The following ANKRD24 variants were observed in gnomAD, a reference collection of about 807,000 sequenced individuals.
The protein encoded by ANKRD24 is ankyrin repeat domain-containing protein 24.
ANKRD24 carries 109 observed loss-of-function variants against 127.8 expected under a neutral mutation model. That is an observed-to-expected ratio of 0.85 (90% confidence interval 0.73 to 1.00). The LOEUF (loss-of-function observed/expected upper bound fraction) is 1.00. Ranked by LOEUF, ANKRD24 falls within the 50% of genes least tolerant of loss-of-function variation. The pLI is 0.00. For missense variants in ANKRD24, 1,648 were observed against 1,570.2 expected, an observed-to-expected ratio of 1.05 and a Z score of -0.84; for synonymous variants, 743 against 671.1, an observed-to-expected ratio of 1.11 and a Z score of -1.66.
intron 12 of ANKRD24, 22 bp from the exon 13 acceptor site, chr19:4,210,243 G>T: frequency 6.4e-7 from 1 of 1,567,340 alleles, no homozygotes; most frequent in Non-Finnish European, 8.7e-7. Context: ...CCATCTAAAG[G>T]CCGTGGTGGG....
intron 2 of ANKRD24, among the ~76,000 whole-genome samples, chr19:4,197,523 G>C (rs940460581): frequency 1.3e-5 from 2 of 152,064 alleles, no homozygotes; most frequent in Admixed American, 6.6e-5. Flanking sequence ...AGTGAATGCA[G>C]GAAGGAATGG....
rs1555712614 is a variant in ANKRD24 at position 4,195,219 on chromosome 19, C to CCTG, written c.37-4463_37-4462insTGC. Among the ~76,000 whole-genome samples, 137 of 151,862 alleles carry CCTG rather than the reference C, an allele frequency of 9.0e-4. No homozygotes were observed. Among genetic ancestry groups the CCTG allele is most frequent in the Non-Finnish European group, 8.7e-4 (59 of 67,986 alleles). ...TCCCGAGTAGCTGGGACTACAGGCG[C>CCTG]CCACCACCACGCCCGGCTAATTTTT... On this transcript the variant is annotated intron_variant, in intron 2 of 21. Transcript: ENST00000318934. This position sits in a 1 kb window ranked among gnomAD's most constrained non-coding sequence, Gnocchi z 4.2.
chr19:4,183,194 G>C (rs993786832), intron 1 of ANKRD24, among the ~76,000 whole-genome samples: 9 of 152,056 alleles, frequency 5.9e-5, no homozygotes, highest in African/African-American at 1.7e-4. Context: ...TGGTCAGGCT[G>C]GTCCCGAACT....
chr19:4,215,609 A>AAG (rs1970014743), intron 15 of ANKRD24, among the ~76,000 whole-genome samples: 1 of 151,144 alleles, frequency 6.6e-6, no homozygotes, highest in Admixed American at 6.6e-5. Flanking sequence ...TCTGAAAAAA[A>AAG]AAAAAAAAAT....
chr19:4,207,775 T>C lies in ANKRD24; in HGVS notation c.645-6T>C. On this transcript the variant is annotated splice_region_variant and splice_polypyrimidine_tract_variant and intron_variant, in intron 9 of 21. Coordinates refer to ENST00000318934, the MANE Select transcript of ANKRD24 (RefSeq NM_001393985.1). ...TCATCTCCTCAGTAGCCCCCTCCCC[T>C]GGTAGGACGGCCCTGATGCTGGCCT... 6.4e-7 allele frequency: 1 copy of C among 1,569,596 alleles called. No individual in the cohort carries two copies.
chr19:4,206,148 T>C (rs1568327775), intron 7 of ANKRD24, among the ~76,000 whole-genome samples: 1 of 12,862 alleles, frequency 7.8e-5, no homozygotes, highest in Non-Finnish European at 2.2e-4. Context: ...GTCTCAAAAA[T>C]AAATAAATAA....
rs368093158 is a variant in ANKRD24, at chr19:4,216,831, C to G, written c.1671C>G (p.Asn557Lys). ...NGSVAPETKVNGAETIDEEAA... is the reference protein window; with the variant it reads ...NGSVAPETKVKGAETIDEEAA... ...CAGTGGCTCCAGAAACCAAAGTTAA[C>G]GGAGCCGAGACCATAGATGAGGAGG... Residue 557 changes from asparagine to lysine, a missense_variant, in exon 18 of 22, where the codon AAC becomes AAG. Asn to Lys is a moderately conservative substitution (Grantham distance 94). Transcript: ENST00000318934. The G allele has an allele frequency of 6.8e-6, 11 of 1,609,254 alleles. No individual in the cohort carries two copies. The highest frequency in any genetic ancestry group is 1.7e-5 in the Admixed American group (1 of 59,204).
At position 4,217,062 on chromosome 19, in the gene ANKRD24, A is replaced by C; in HGVS notation, c.1902A>C (p.Gly634=). 1 of 1,613,872 alleles carries C rather than the reference A, an allele frequency of 6.2e-7. No homozygotes were observed. Among genetic ancestry groups the C allele is most frequent in the South Asian group, 1.1e-5 (1 of 91,078 alleles). The change falls in exon 18 of 22, where the codon GGA becomes GGC. Residue 634 remains glycine (G), a synonymous_variant. Transcript: ENST00000318934. ...GAQATDTETT[G]VEAMGVEATK... is the part of the protein sequence containing the mutation. ...AGGCCACAGACACAGAGACCACGGG[A>C]GTGGAGGCCATGGGGGTGGAGGCCA...
chr19:4,193,416 T>A (rs996111486), intron 2 of ANKRD24, among the ~76,000 whole-genome samples: 1 of 151,480 alleles, frequency 6.6e-6, no homozygotes, highest in Non-Finnish European at 1.5e-5. Flanking sequence ...AAAGCAGCCA[T>A]GTGCACGGTG....
intron 19 of ANKRD24, among the ~76,000 whole-genome samples, chr19:4,222,131 G>A (rs1970474971): frequency 6.6e-6 from 1 of 152,242 alleles, no homozygotes; most frequent in African/African-American, 2.4e-5. Context: ...GCTCACGCCT[G>A]TAATCCCAGC....
intron 2 of ANKRD24, among the ~76,000 whole-genome samples, chr19:4,191,194 A>G (rs1270052619): frequency 6.6e-6 from 1 of 152,094 alleles, no homozygotes; most frequent in Non-Finnish European, 1.5e-5. Context: ...CTCCCAGAGC[A>G]CCTTGCCATC....
chr19:4,184,917 T>C (rs909695491), intron 1 of ANKRD24, among the ~76,000 whole-genome samples: 3 of 130,236 alleles, frequency 2.3e-5, no homozygotes, highest in Non-Finnish European at 4.7e-5. Flanking sequence ...AGTGGATGGA[T>C]GGATGGATGG....
At chr19:4,210,783 AC>A (rs1447445244) in intron 13 of ANKRD24, among the ~76,000 whole-genome samples, 3 of 49,488 alleles carry the variant, frequency 6.1e-5, no homozygotes, top group African/African-American at 8.3e-5. Context: ...ACCCCCCACC[AC>A]CCCCCCGGCC....
At chr19:4,183,069 C>G (rs570195869) in intron 1 of ANKRD24, among the ~76,000 whole-genome samples, 39 of 151,802 alleles carry the variant, frequency 2.6e-4, no homozygotes, top group Non-Finnish European at 4.4e-4. Context: ...ACCTCCGCCT[C>G]TTGGGTTCAA....
intron 2 of ANKRD24, among the ~76,000 whole-genome samples, 198 bp downstream of exon 2, chr19:4,186,659 G>C (rs750909296): frequency 6.6e-6 from 1 of 151,918 alleles, no homozygotes; most frequent in African/African-American, 2.4e-5. Context: ...GCCCTAGTCC[G>C]CTCTCCATGG....
At chr19:4,202,196 C>A in intron 6 of ANKRD24, 106 bp downstream of exon 6, 3 of 1,068,014 alleles carry the variant, frequency 2.8e-6, no homozygotes, top group Non-Finnish European at 4.3e-6. Flanking sequence ...TATTCCTTGG[C>A]CCCTTTTACT....
At position 4,216,804 on chromosome 19, in the gene ANKRD24, C is replaced by T. The variant is rs1398601592; in HGVS notation, c.1644C>T (p.Gly548=). The part of the protein sequence containing the change: ...KNGPTHMELN[G]SVAPETKVNG... ...GGCCAACCCACATGGAGCTAAATGG[C>T]TCAGTGGCTCCAGAAACCAAAGTTA... The change falls in exon 18 of 22, where the codon GGC becomes GGT. Residue 548 remains glycine (G), a synonymous_variant. Transcript: ENST00000318934. 17 of 1,603,600 alleles carry T rather than the reference C, an allele frequency of 1.1e-5. No individual in the cohort carries two copies. The highest frequency in any genetic ancestry group is 1.4e-5 in the Non-Finnish European group (17 of 1,175,358).
intron 4 of ANKRD24, 29 bp downstream of exon 4, chr19:4,200,034 G>A: frequency 6.4e-7 from 1 of 1,566,786 alleles, no homozygotes; most frequent in Non-Finnish European, 8.7e-7. Context: ...GGAGTGAGAT[G>A]GCTGAGGGGT....
intron 2 of ANKRD24, among the ~76,000 whole-genome samples, chr19:4,193,412 G>T (rs1256069262): frequency 6.6e-6 from 1 of 152,072 alleles, no homozygotes; most frequent in African/African-American, 2.4e-5. Context: ...AAAGAAAGCA[G>T]CCATGTGCAC....
Sources: gnomAD v4.1 joint callset for allele counts (sites outside exome capture counted in the v4.1 genomes callset) on GRCh38, gnomAD v4.1.1 for gene constraint, Gnocchi (gnomAD v3.1) non-coding constraint, MANE v1.5 for transcripts, NCBI Gene and HGNC (gene_info 2026-07-23, HGNC 2026-07-21) for gene names.